The following ATP6V1H variants were observed in gnomAD, a reference collection of about 807,000 sequenced individuals.
ATP6V1H encodes the protein V-type proton ATPase subunit H.
ATP6V1H carries 39 observed loss-of-function variants against 71.7 expected under a neutral mutation model. The ratio of observed to expected loss-of-function variants is 0.54; its 90% CI spans 0.42 to 0.71. The LOEUF is 0.71. ATP6V1H is among the 30% of genes least tolerant of loss of function. The pLI is 0.00. For synonymous variants in ATP6V1H, 192 were observed against 199.3 expected, an observed-to-expected ratio of 0.96 and a Z score of 0.31; for missense variants, 509 against 594.9, an observed-to-expected ratio of 0.86 and a Z score of 1.50.
At chr8:53,774,690 G>C (rs1808799200) in intron 9 of ATP6V1H, among the ~76,000 whole-genome samples, 1 of 151,816 alleles carries the variant, frequency 6.6e-6, no homozygotes, top group Non-Finnish European at 1.5e-5. Context: ...AACTAGAATG[G>C]AGTCTAGATA....
At chr8:53,800,238 T>C (rs1330424554) in intron 8 of ATP6V1H, among the ~76,000 whole-genome samples, 1 of 152,214 alleles carries the variant, frequency 6.6e-6, no homozygotes, top group Non-Finnish European at 1.5e-5. Flanking sequence ...CTTTGTCCCT[T>C]ATGATACAGC....
intron 11 of ATP6V1H, among the ~76,000 whole-genome samples, chr8:53,766,948 G>A (rs945736795): frequency 6.6e-6 from 1 of 152,116 alleles, no homozygotes; most frequent in African/African-American, 2.4e-5. Context: ...ACCCTGTTAA[G>A]AACTTGATGT....
intron 13 of ATP6V1H, among the ~76,000 whole-genome samples, chr8:53,733,490 A>G (rs1807097936): frequency 6.6e-6 from 1 of 152,254 alleles, no homozygotes; most frequent in South Asian, 2.1e-4. Flanking sequence ...TCAAAGGAAC[A>G]GATGGCCTGC....
In ATP6V1H at chr8:53,835,193, G is replaced by A. The variant is rs114947756; in HGVS notation, c.114-2107C>T. On this transcript the variant is annotated intron_variant, in intron 2 of 13. Coordinates refer to ENST00000359530, the MANE Select transcript of ATP6V1H (RefSeq NM_015941.4). ...TATAGAAGGATGGCCCACTTTCAGA[G>A]CTGCCTCGGGTCAGGCTCCCAGAGC... is the stretch of plus-strand genomic sequence containing the variant. Among the ~76,000 whole-genome samples, 348 of 152,252 alleles carry A rather than the reference G, an allele frequency of 2.3e-3. 1 individual carries two copies. Among genetic ancestry groups the A allele is most frequent in the African/African-American group, 8.1e-3 (336 of 41,562 alleles).
At chr8:53,793,577 C>G (rs553731760) in intron 9 of ATP6V1H, among the ~76,000 whole-genome samples, 1 of 151,704 alleles carries the variant, frequency 6.6e-6, no homozygotes, top group African/African-American at 2.4e-5. Context: ...CTGAGGAGTC[C>G]GAGGTTGCAG....
intron 9 of ATP6V1H, among the ~76,000 whole-genome samples, chr8:53,783,857 T>C (rs899376707): frequency 6.6e-6 from 1 of 152,188 alleles, no homozygotes; most frequent in African/African-American, 2.4e-5. Flanking sequence ...CGGTTCTGAG[T>C]GAGTTTCTTA....
chr8:53,721,094 AC>A (rs1340261338), intron 13 of ATP6V1H, among the ~76,000 whole-genome samples: 2 of 152,220 alleles, frequency 1.3e-5, no homozygotes, highest in Non-Finnish European at 2.9e-5. Flanking sequence ...GAAAATATAA[AC>A]TTTATAGTTG....
rs1015333072 is a variant in ATP6V1H, at chr8:53,756,565, G to A, written c.1267C>T (p.Arg423Ter). 17 of 1,612,758 alleles carry A rather than the reference G, an allele frequency of 1.1e-5. No homozygotes were observed. Among genetic ancestry groups the A allele is most frequent in the East Asian group, 2.2e-5 (1 of 44,884 alleles). Residue 423 changes from arginine to a stop codon, truncating the protein, a stop_gained, in exon 12 of 14, where the codon CGA becomes TGA. Coordinates refer to ENST00000359530, the MANE Select transcript of ATP6V1H (RefSeq NM_015941.4). LOFTEE classifies it high-confidence loss of function. ...DVGEYVRHYP[R>*]GKRVIEQLGG... Reference sequence around the variant, plus strand: ...ATGGCTTTCTCTTACCGTTTGCCTCGTGGATAATGCCGCACATATTCTCCA... The same window carrying A: ...ATGGCTTTCTCTTACCGTTTGCCTCATGGATAATGCCGCACATATTCTCCA...
chr8:53,810,032 C>G (rs960411987), intron 7 of ATP6V1H, among the ~76,000 whole-genome samples: 1 of 152,180 alleles, frequency 6.6e-6, no homozygotes, highest in Non-Finnish European at 1.5e-5. Flanking sequence ...CATCTATGGT[C>G]TTGGAACATA....
rs547884603 is a variant in ATP6V1H, at chr8:53,732,149, C to T, written c.1391+11428G>A. ...GCTTGATGAACAGGCGTGCCTTTAT[C>T]GACACTTGCTTTGGTTTTAATTTTG... is the stretch of plus-strand genomic sequence containing the variant. On this transcript the variant is annotated intron_variant, in intron 13 of 13. Transcript: ENST00000359530. Among the ~76,000 whole-genome samples, 12 of 152,218 alleles carry T rather than the reference C, an allele frequency of 7.9e-5. No individual in the cohort carries two copies. The South Asian group carries it at 2.5e-3, about 32-fold the overall frequency.
intron 4 of ATP6V1H, among the ~76,000 whole-genome samples, chr8:53,818,436 GT>G (rs869150984): frequency 2.6e-5 from 4 of 152,076 alleles, no homozygotes; most frequent in African/African-American, 9.7e-5. Flanking sequence ...ATATAGTGGG[GT>G]TTTTTGGTTA....
chr8:53,815,160 A>G (rs964195899), intron 5 of ATP6V1H, among the ~76,000 whole-genome samples: 1 of 152,168 alleles, frequency 6.6e-6, no homozygotes, highest in African/African-American at 2.4e-5. Context: ...AGCCTCTCCC[A>G]CACTCATTCC....
At chr8:53,833,222 G>A (rs1452416874) in intron 2 of ATP6V1H, 136 bp from the exon 3 acceptor site, 3 of 614,050 alleles carry the variant, frequency 4.9e-6, no homozygotes, top group Non-Finnish European at 8.6e-6. Flanking sequence ...GCATCAGACA[G>A]ACCTGGATTC....
intron 8 of ATP6V1H, among the ~76,000 whole-genome samples, chr8:53,799,813 G>A (rs1809852735): frequency 6.6e-6 from 1 of 152,084 alleles, no homozygotes; most frequent in African/African-American, 2.4e-5. Context: ...TGTCCCCTCT[G>A]CCATCTGAGT....
intron 12 of ATP6V1H, among the ~76,000 whole-genome samples, chr8:53,754,376 T>C (rs931574553): frequency 1.3e-5 from 2 of 152,114 alleles, no homozygotes; most frequent in Admixed American, 1.3e-4. Context: ...TGGAACCAAG[T>C]CCACTTAATT....
At chr8:53,804,796 C>T (rs756810890) in intron 7 of ATP6V1H, among the ~76,000 whole-genome samples, 1 of 152,238 alleles carries the variant, frequency 6.6e-6, no homozygotes, top group Non-Finnish European at 1.5e-5. Context: ...ACAACATGCA[C>T]TTTCTATACA....
At chr8:53,772,528 A>T (rs1020075158) in intron 9 of ATP6V1H, among the ~76,000 whole-genome samples, 3 of 151,994 alleles carry the variant, frequency 2.0e-5, no homozygotes, top group Non-Finnish European at 4.4e-5. Flanking sequence ...CAATACTAAG[A>T]GAGAGTGTTT....
chr8:53,781,704 A>C (rs1809141915), intron 9 of ATP6V1H, among the ~76,000 whole-genome samples: 1 of 151,864 alleles, frequency 6.6e-6, no homozygotes. Flanking sequence ...ATCCATCTTG[A>C]ATTAATTTTT....
At chr8:53,824,613 G>C (rs907069461) in intron 4 of ATP6V1H, among the ~76,000 whole-genome samples, 3 of 151,830 alleles carry the variant, frequency 2.0e-5, no homozygotes, top group Non-Finnish European at 2.9e-5. Flanking sequence ...TCTAAGGAGA[G>C]GGGAAAAAAA....
Sources: allele counts gnomAD v4.1 joint callset (sites outside exome capture counted in the v4.1 genomes callset), GRCh38; gene constraint gnomAD v4.1.1; transcripts MANE v1.5; gene names NCBI Gene and HGNC (gene_info 2026-07-23, HGNC 2026-07-21).